Variants in PIGN observed in about 807,000 individuals in gnomAD.
PIGN encodes the protein phosphatidylinositol glycan anchor biosynthesis class N.
In PIGN, 117 loss-of-function variants were observed where a neutral mutation model predicts 125.4. That is an observed-to-expected ratio of 0.93 (90% CI 0.80 to 1.09). PIGN has a LOEUF of 1.09. Ranked by LOEUF, PIGN falls within the 50% of genes least tolerant of loss-of-function variation. The pLI is 0.00. For synonymous variants in PIGN, 392 were observed against 377.8 expected, an observed-to-expected ratio of 1.04 and a Z score of -0.44; for missense variants, 1,075 against 1,094.9, an observed-to-expected ratio of 0.98 and a Z score of 0.26.
In PIGN at chr18:62,045,767, T is replaced by A. The variant is rs577754098; in HGVS notation, c.*89A>T. The A allele has an allele frequency of 4.7e-5, 60 of 1,266,970 alleles. No homozygotes were observed. The highest frequency in any genetic ancestry group is 6.4e-5 in the Non-Finnish European group (57 of 886,736). The allele number at this position is 1,266,970 out of a possible 1,614,324, so 78.5% of individuals were successfully genotyped here. On this transcript the variant is annotated 3_prime_UTR_variant, in exon 31 of 31. Transcript: ENST00000640252. The stretch of plus-strand genomic sequence containing the variant: ...TTACAGGAGTAGAATATACTATATA[T>A]CCATATCCATCTTCTTATTGAAGCC...
chr18:62,125,065 TATAA>T (rs1329452067), intron 14 of PIGN, among the ~76,000 whole-genome samples: 6 of 144,428 alleles, frequency 4.2e-5, no homozygotes, highest in Admixed American at 6.7e-5. Flanking sequence ...CATACATGTA[TATAA>T]ATATACATGT....
chr18:62,111,276 A>G, intron 16 of PIGN, among the ~76,000 whole-genome samples: 1 of 152,092 alleles, frequency 6.6e-6, no homozygotes, highest in East Asian at 1.9e-4. Context: ...TAAAGCACCC[A>G]GGGCAGTCCT....
At chr18:62,122,996 G>C (rs945103233) in intron 14 of PIGN, among the ~76,000 whole-genome samples, 1 of 152,106 alleles carries the variant, frequency 6.6e-6, no homozygotes, top group Non-Finnish European at 1.5e-5. Context: ...GACCATAATA[G>C]AGGCTGGGTG....
At chr18:62,154,343 A>G in intron 7 of PIGN, 1 of 501,772 alleles carries the variant, frequency 2.0e-6, no homozygotes, top group Non-Finnish European at 3.4e-6. Context: ...GGCTCATTTT[A>G]CTAATAGAAA....
At chr18:62,163,394 C>T (rs1234629782) in intron 2 of PIGN, 137 bp downstream of exon 2, 1 of 152,108 alleles carries the variant, frequency 6.6e-6, no homozygotes, top group Non-Finnish European at 1.5e-5. Flanking sequence ...CCGAAGAAAC[C>T]TAGATTAGTT....
chr18:62,182,150 C>G (rs2037740545), intron 1 of PIGN, among the ~76,000 whole-genome samples: 3 of 152,176 alleles, frequency 2.0e-5, no homozygotes, highest in African/African-American at 7.2e-5. Flanking sequence ...TGGAGTTACT[C>G]AAAACTTGGT....
intron 14 of PIGN, among the ~76,000 whole-genome samples, chr18:62,129,724 GA>G (rs1269688499): frequency 6.6e-6 from 1 of 152,142 alleles, no homozygotes; most frequent in African/African-American, 2.4e-5. Flanking sequence ...GACACAGTAG[GA>G]AAACAATAAA....
intron 30 of PIGN, among the ~76,000 whole-genome samples, chr18:62,064,920 T>TA (rs34675492): frequency 0.24 from 36,325 of 150,142 alleles, 4,471 homozygotes; most frequent in Non-Finnish European, 0.27. Flanking sequence ...TTGACACTTC[T>TA]AAAAAAAAAA....
At chr18:62,157,832 G>A (rs747951003) in intron 4 of PIGN, 24 bp from the exon 5 acceptor site, 5 of 1,590,492 alleles carry the variant, frequency 3.1e-6, no homozygotes. Context: ...AAGACAAATA[G>A]TTAACACAGA....
chr18:62,054,728 G>A (rs2031593193), intron 30 of PIGN, among the ~76,000 whole-genome samples: 1 of 151,984 alleles, frequency 6.6e-6, no homozygotes, highest in African/African-American at 2.4e-5. Flanking sequence ...TTGGGCTTAA[G>A]CAATCTGCCC....
At chr18:62,032,971 T>G (rs2030211186) in intron 23 of PIGN, among the ~76,000 whole-genome samples, 1 of 152,232 alleles carries the variant, frequency 6.6e-6, no homozygotes. Context: ...GTAACAGAGA[T>G]GCAGACAAAA....
intron 25 of PIGN, among the ~76,000 whole-genome samples, chr18:62,087,885 T>C (rs781239084): frequency 1.0e-3 from 153 of 152,244 alleles, no homozygotes; most frequent in Middle Eastern, 3.4e-3. Context: ...GAAATGTTGG[T>C]GAAAGTGTAT....
chr18:62,110,597 G>T (rs775317780), intron 16 of PIGN, among the ~76,000 whole-genome samples: 2 of 151,954 alleles, frequency 1.3e-5, no homozygotes, highest in Admixed American at 6.6e-5. Flanking sequence ...CATTCAATCC[G>T]TTGAAAACCT....
intron 25 of PIGN, among the ~76,000 whole-genome samples, chr18:62,086,933 C>A (rs545362149): frequency 3.3e-5 from 5 of 151,924 alleles, no homozygotes; most frequent in Admixed American, 3.3e-4. Flanking sequence ...TATGGTGATG[C>A]CATTAAATGA....
intron 14 of PIGN, among the ~76,000 whole-genome samples, chr18:62,117,740 A>G (rs1244888539): frequency 3.3e-5 from 5 of 152,002 alleles, no homozygotes; most frequent in South Asian, 2.1e-4. Context: ...TACTTCATCA[A>G]TTCTATTCTG....
At position 62,045,850 on chromosome 18, in the gene PIGN, GC is replaced by G; in HGVS notation, c.*5del. Reference sequence around the variant, plus strand: ...GATCCAGATGCTGAATGGTGCTTCAGCAACCTCACATGAAGTGACTTTTGGG... The same window carrying G: ...GATCCAGATGCTGAATGGTGCTTCAGAACCTCACATGAAGTGACTTTTGGG... On this transcript the variant is annotated 3_prime_UTR_variant, in exon 31 of 31. Coordinates refer to ENST00000640252, the MANE Select transcript of PIGN (RefSeq NM_176787.5). The G allele has an allele frequency of 6.2e-7, 1 of 1,613,412 alleles. No individual in the cohort carries two copies. The highest frequency in any genetic ancestry group is 8.5e-7 in the Non-Finnish European group (1 of 1,179,570).
intron 30 of PIGN, among the ~76,000 whole-genome samples, chr18:62,046,582 G>A (rs943992865): frequency 4.6e-5 from 7 of 151,110 alleles, no homozygotes; most frequent in African/African-American, 7.3e-5. Flanking sequence ...CATACACAGC[G>A]GCGTGTGGAA....
chr18:62,117,836 C>T (rs1265018842), intron 14 of PIGN, among the ~76,000 whole-genome samples: 4 of 151,930 alleles, frequency 2.6e-5, no homozygotes, highest in South Asian at 4.1e-4. Flanking sequence ...TCTGTGGCGG[C>T]CTTATTTCAC....
chr18:62,135,536 G>C (rs565648039), intron 14 of PIGN: 2 of 152,142 alleles, frequency 1.3e-5, no homozygotes, highest in South Asian at 2.1e-4. Flanking sequence ...CGTGGAAAAA[G>C]GGGTAGCAGT....
Sources: allele counts gnomAD v4.1 joint callset (sites outside exome capture counted in the v4.1 genomes callset), GRCh38; gene constraint gnomAD v4.1.1; transcripts MANE v1.5; gene names NCBI Gene and HGNC (gene_info 2026-07-23, HGNC 2026-07-21).